ALDH2: variants seen among roughly 807,000 people sequenced by gnomAD.
ALDH2 encodes the protein aldehyde dehydrogenase, mitochondrial.
In ALDH2, 44 loss-of-function variants were observed where a neutral mutation model predicts 59.6. The observed-to-expected ratio is 0.74, with a 90% CI of 0.58 to 0.95. ALDH2 has a LOEUF of 0.95. ALDH2 is among the 40% of genes least tolerant of loss of function. The pLI, the probability that ALDH2 is intolerant of heterozygous loss-of-function variation, is 0.00. For missense variants in ALDH2, 570 were observed against 696.3 expected, an observed-to-expected ratio of 0.82 and a Z score of 2.04; for synonymous variants, 291 against 284.0, an observed-to-expected ratio of 1.02 and a Z score of -0.25.
chr12:111,798,386 C>G, intron 10 of ALDH2, 144 bp downstream of exon 10: 1 of 820,278 alleles, frequency 1.2e-6, no homozygotes, highest in Non-Finnish European at 1.8e-6. Flanking sequence ...CCATAACACG[C>G]TATTCATAGT....
At chr12:111,776,541 A>T (rs1410035512) in intron 1 of ALDH2, among the ~76,000 whole-genome samples, 1 of 152,104 alleles carries the variant, frequency 6.6e-6, no homozygotes, top group Non-Finnish European at 1.5e-5. Context: ...CAGGAGGATC[A>T]CTTGAGCACA....
intron 9 of ALDH2, among the ~76,000 whole-genome samples, chr12:111,795,740 C>T (rs2136021294): frequency 1.3e-5 from 2 of 151,042 alleles, no homozygotes; most frequent in Middle Eastern, 6.9e-3. Context: ...TACAGGCGCC[C>T]ACCACCATGC....
chr12:111,798,862 A>T (rs2136023423), intron 10 of ALDH2, among the ~76,000 whole-genome samples: 1 of 152,052 alleles, frequency 6.6e-6, no homozygotes, highest in East Asian at 2.0e-4. Context: ...AGAAAAAATT[A>T]GCCCTGCGTG....
intron 1 of ALDH2, among the ~76,000 whole-genome samples, chr12:111,780,270 A>G (rs867601751): frequency 1.3e-5 from 2 of 152,166 alleles, no homozygotes; most frequent in Admixed American, 6.5e-5. Context: ...GCTCTCTGAC[A>G]TTGGCCTCAT....
At chr12:111,808,192 T>G (rs1288754339) in intron 12 of ALDH2, among the ~76,000 whole-genome samples, 4 of 152,098 alleles carry the variant, frequency 2.6e-5, no homozygotes, top group African/African-American at 9.7e-5. Flanking sequence ...TTTGTATTTT[T>G]AAAAGATTGC....
Position 111,803,895 on chromosome 12 carries a change from C to T in ALDH2, c.1443C>T (p.Pro481=), listed in dbSNP as rs2068472935. The T allele has an allele frequency of 6.2e-7, 1 of 1,613,258 alleles. No homozygotes were observed. The highest frequency in any genetic ancestry group is 8.5e-7 in the Non-Finnish European group (1 of 1,179,680). Residue 481 remains proline, a synonymous_variant, in exon 12 of 13, where the codon CCC becomes CCT. Coordinates refer to ENST00000261733, the MANE Select transcript of ALDH2 (RefSeq NM_000690.4). ...ATGATGTGTTTGGAGCCCAGTCACCCTTTGGTGGCTACAAGATGTCGGGGA... is the reference window on the plus strand; with the variant it reads ...ATGATGTGTTTGGAGCCCAGTCACCTTTTGGTGGCTACAAGATGTCGGGGA... ...NCYDVFGAQS[P]FGGYKMSGSG...
intron 1 of ALDH2, among the ~76,000 whole-genome samples, chr12:111,780,055 C>A (rs1035640205): frequency 1.3e-5 from 2 of 152,104 alleles, no homozygotes; most frequent in African/African-American, 4.8e-5. Flanking sequence ...CCACACCTGG[C>A]TAATTTTTTG....
In ALDH2 at chr12:111,803,111, G is replaced by A. The variant is rs539896430; in HGVS notation, c.1407-748G>A. 3.3e-5 allele frequency among the ~76,000 whole-genome samples: 5 copies of A among 151,620 alleles called. No homozygotes were observed. In the South Asian group the frequency reaches 1.0e-3, roughly 31 times the overall value. ...GAGGCTGGAGATTCGCTTGAACCTG[G>A]GAGGCGGAGGTTGCAGTAAGCTGAG... On this transcript the variant is annotated intron_variant, in intron 11 of 12. Coordinates refer to ENST00000261733, the MANE Select transcript of ALDH2 (RefSeq NM_000690.4).
chr12:111,772,674 G>GT (rs57462838), intron 1 of ALDH2, among the ~76,000 whole-genome samples: 35,026 of 124,644 alleles, frequency 0.28, 5,911 homozygotes, highest in East Asian at 0.84. Flanking sequence ...TTTTTTTTTG[G>GT]TTTTTTTTTT....
chr12:111,773,135 A>G (rs1295859029), intron 1 of ALDH2, among the ~76,000 whole-genome samples: 2 of 152,022 alleles, frequency 1.3e-5, no homozygotes, highest in Admixed American at 6.5e-5. Context: ...CTGTAATCCC[A>G]GCTACCTGGG....
Position 111,814,347 on chromosome 12 carries a change from C to CAA in ALDH2, c.*4784_*4785dup, listed in dbSNP as rs764179205. ...GGGTGACAGAGTGAGACTCTGTCTCCAAAAAAAAAAAAAGAAACCCCATCT... is the reference window on the plus strand; with the variant it reads ...GGGTGACAGAGTGAGACTCTGTCTCCAAAAAAAAAAAAAAAGAAACCCCATCT... On this transcript the variant is annotated 3_prime_UTR_variant, in exon 13 of 13. Transcript: ENST00000261733. The CAA allele has an allele frequency of 1.7e-5, 2 of 116,942 alleles. No homozygotes were observed. The highest frequency in any genetic ancestry group is 8.8e-5 in the Admixed American group (1 of 11,418). 7.2% of individuals were successfully genotyped at this position (116,942 alleles called of 1,614,324 possible). A position where few individuals can be genotyped will look rare whatever the true frequency, so the allele number is the denominator to read the frequency against.
intron 1 of ALDH2, among the ~76,000 whole-genome samples, chr12:111,768,606 A>G (rs1486134312): frequency 6.6e-6 from 1 of 152,174 alleles, no homozygotes; most frequent in African/African-American, 2.4e-5. Context: ...TGGGAGGCCG[A>G]GGTGGGATGA....
intron 3 of ALDH2, among the ~76,000 whole-genome samples, chr12:111,783,842 A>C (rs1299478491): frequency 2.6e-5 from 4 of 151,966 alleles, no homozygotes; most frequent in Non-Finnish European, 4.4e-5. Flanking sequence ...AGCAAGAAGG[A>C]TCTGGGGGAG....
In ALDH2 at chr12:111,815,931, A is replaced by G. The variant is rs2068567249; in HGVS notation, c.*6356A>G. ...ATGAGACACTGGGCACAGCCCTAATAGCTTATTTTTAAAGCTATATCAAAA... is the reference window on the plus strand; with the variant it reads ...ATGAGACACTGGGCACAGCCCTAATGGCTTATTTTTAAAGCTATATCAAAA... On this transcript the variant is annotated 3_prime_UTR_variant, in exon 13 of 13. Transcript: ENST00000261733. 4.6e-5 allele frequency: 7 copies of G among 152,100 alleles called. No individual in the cohort carries two copies. The allele number at this position is 152,100 out of a possible 1,614,324, so 9.4% of individuals were successfully genotyped here.
At chr12:111,801,277 C>A (rs2068449285) in intron 11 of ALDH2, among the ~76,000 whole-genome samples, 1 of 152,190 alleles carries the variant, frequency 6.6e-6, no homozygotes, top group South Asian at 2.1e-4. Flanking sequence ...ATTCAATTAC[C>A]TCCCACAACA....
intron 1 of ALDH2, 102 bp from the exon 2 acceptor site, chr12:111,781,816 A>C: frequency 1.2e-6 from 1 of 836,118 alleles, no homozygotes; most frequent in Non-Finnish European, 1.9e-6. Flanking sequence ...CTCTGAAATT[A>C]ATTCATATTT....
chr12:111,799,331 A>G (rs78809435), intron 10 of ALDH2, among the ~76,000 whole-genome samples: 2,336 of 149,942 alleles, frequency 0.016, 70 homozygotes, highest in African/African-American at 0.054. Context: ...ACGCCCAGCT[A>G]ATTTTTCTTA....
chr12:111,783,039 G>A (rs1485145980), intron 2 of ALDH2, 119 bp from the exon 3 acceptor site: 3 of 1,303,856 alleles, frequency 2.3e-6, no homozygotes, highest in South Asian at 3.1e-5. Context: ...TGTTTACGGG[G>A]CAGGTTTTCT....
chr12:111,815,719 C>A lies in ALDH2; in HGVS notation c.*6144C>A, dbSNP rs1454061049. On this transcript the variant is annotated 3_prime_UTR_variant, in exon 13 of 13. Coordinates refer to ENST00000261733, the MANE Select transcript of ALDH2 (RefSeq NM_000690.4). ...TGAACTTCTGGGCTCAAGTGATCCT[C>A]CCACCTCAGCCTCCTGAGTAGCTGG... is the stretch of plus-strand genomic sequence containing the variant. 1 of 151,912 alleles carries A rather than the reference C, an allele frequency of 6.6e-6. No individual in the cohort carries two copies. Among genetic ancestry groups the A allele is most frequent in the Non-Finnish European group, 1.5e-5 (1 of 68,116 alleles). 9.4% of individuals were successfully genotyped at this position (151,912 alleles called of 1,614,324 possible). A position where few individuals can be genotyped will look rare whatever the true frequency, so the allele number is the denominator to read the frequency against.
Sources: allele counts gnomAD v4.1 joint callset (sites outside exome capture counted in the v4.1 genomes callset), GRCh38; gene constraint gnomAD v4.1.1; transcripts MANE v1.5; gene names NCBI Gene and HGNC (gene_info 2026-07-23, HGNC 2026-07-21).